Variants in ITGA1 observed in about 807,000 individuals in gnomAD.
The protein encoded by ITGA1 is integrin alpha-1.
In ITGA1, 85 loss-of-function variants were observed where a neutral mutation model predicts 145.9. That is an observed-to-expected ratio of 0.58 (90% CI 0.49 to 0.70). The LOEUF is 0.70. ITGA1 is among the 30% of genes least tolerant of loss of function. The pLI is 0.00. For synonymous variants in ITGA1, 520 were observed against 495.3 expected, an observed-to-expected ratio of 1.05 and a Z score of -0.66; for missense variants, 1,351 against 1,418.7, an observed-to-expected ratio of 0.95 and a Z score of 0.77.
In ITGA1 at chr5:52,816,245, C is replaced by T. The variant is rs1037903130; in HGVS notation, c.61+27831C>T. Among the ~76,000 whole-genome samples the T allele has an allele frequency of 1.4e-4, 21 of 152,150 alleles. 1 individual carries two copies. Among genetic ancestry groups the T allele is most frequent in the African/African-American group, 3.6e-4 (15 of 41,504 alleles). ...GGACTTAATATATATCCATGCACAT[C>T]GAGCATATTTTAAATTCAGAAAGGA... is the stretch of plus-strand genomic sequence containing the variant. On this transcript the variant is annotated intron_variant, in intron 1 of 28. Coordinates refer to ENST00000282588, the MANE Select transcript of ITGA1 (RefSeq NM_181501.2).
intron 6 of ITGA1, among the ~76,000 whole-genome samples, chr5:52,879,709 A>G (rs1249155594): frequency 1.3e-5 from 2 of 152,192 alleles, no homozygotes; most frequent in East Asian, 1.9e-4. Context: ...GCTGTATCCT[A>G]TCTTGTTCCC....
chr5:52,790,584 C>T (rs566478008), intron 1 of ITGA1, among the ~76,000 whole-genome samples: 3 of 152,146 alleles, frequency 2.0e-5, no homozygotes, highest in Non-Finnish European at 2.9e-5. Context: ...CATCTTCAAC[C>T]GAGCAGGGTA....
At chr5:52,854,679 C>A (rs1749479828) in intron 2 of ITGA1, among the ~76,000 whole-genome samples, 1 of 152,154 alleles carries the variant, frequency 6.6e-6, no homozygotes, top group African/African-American at 2.4e-5. Flanking sequence ...TTCCAAGAAA[C>A]TATCTTTTGC....
intron 14 of ITGA1, among the ~76,000 whole-genome samples, chr5:52,911,249 A>G (rs990116478): frequency 3.7e-5 from 5 of 136,308 alleles, no homozygotes. Flanking sequence ...TATATAGTAT[A>G]TACAGTGTAT....
chr5:52,788,014 T>C lies in ITGA1; in HGVS notation c.-340T>C, dbSNP rs1028000575. 2 of 284,472 alleles carry C rather than the reference T, an allele frequency of 7.0e-6. No homozygotes were observed. Among genetic ancestry groups the C allele is most frequent in the Admixed American group, 1.1e-4 (2 of 18,704 alleles). The allele number at this position is 284,472 out of a possible 1,614,324, so 17.6% of individuals were successfully genotyped here. On this transcript the variant is annotated 5_prime_UTR_variant, in exon 1 of 29. Transcript: ENST00000282588. ...CTTTAAGGTTTGCTTCTACAGCCCG[T>C]GGACTTTAGCCTAAACACGGACCCG...
intron 16 of ITGA1, among the ~76,000 whole-genome samples, chr5:52,919,120 G>A (rs923076151): frequency 6.6e-6 from 1 of 152,086 alleles, no homozygotes; most frequent in African/African-American, 2.4e-5. Flanking sequence ...TGTATGCAGT[G>A]CCCTCAACAC....
intron 1 of ITGA1, among the ~76,000 whole-genome samples, chr5:52,843,463 T>C (rs1749287136): frequency 6.6e-6 from 1 of 152,174 alleles, no homozygotes; most frequent in South Asian, 2.1e-4. Flanking sequence ...AGATTGGGAT[T>C]TCTGACCCAC....
At chr5:52,882,520 G>A (rs1458338065) in intron 7 of ITGA1, among the ~76,000 whole-genome samples, 1 of 150,990 alleles carries the variant, frequency 6.6e-6, no homozygotes, top group Non-Finnish European at 1.5e-5. Flanking sequence ...ATCATTTTTA[G>A]TGCAAAGTTT....
At chr5:52,809,525 G>A (rs1748651980) in intron 1 of ITGA1, among the ~76,000 whole-genome samples, 1 of 134,756 alleles carries the variant, frequency 7.4e-6, no homozygotes, top group African/African-American at 2.8e-5. Flanking sequence ...TTTTTTTGGA[G>A]ACAAGAGTCT....
intron 28 of ITGA1, among the ~76,000 whole-genome samples, chr5:52,949,281 G>A (rs1340082756): frequency 6.6e-6 from 1 of 152,110 alleles, no homozygotes; most frequent in African/African-American, 2.4e-5. Flanking sequence ...ACCTTATGAG[G>A]TCGTATGAAC....
chr5:52,921,320 A>G (rs73754067), intron 17 of ITGA1, among the ~76,000 whole-genome samples: 1,622 of 152,260 alleles, frequency 0.011, 24 homozygotes, highest in African/African-American at 0.037. Context: ...TTATTGATAT[A>G]TTCATAGTCT....
chr5:52,912,756 T>TATA (rs1486659756), intron 14 of ITGA1, among the ~76,000 whole-genome samples: 4 of 142,214 alleles, frequency 2.8e-5, no homozygotes, highest in Admixed American at 2.1e-4. Flanking sequence ...ATATATATAT[T>TATA]TTTTTTTTGA....
chr5:52,832,294 G>A (rs1561221510), intron 1 of ITGA1, among the ~76,000 whole-genome samples: 1 of 152,142 alleles, frequency 6.6e-6, no homozygotes, highest in Non-Finnish European at 1.5e-5. Context: ...GTGGCCAAGA[G>A]TGTAGGTAAC....
At chr5:52,930,454 T>G (rs1265704735) in intron 21 of ITGA1, among the ~76,000 whole-genome samples, 1 of 152,166 alleles carries the variant, frequency 6.6e-6, no homozygotes, top group African/African-American at 2.4e-5. Context: ...TAAAAATTAC[T>G]AAGGGCATGA....
Position 52,911,707 on chromosome 5 carries a change from ACTATATATACTATACATATAGTGTAT to A in ITGA1, c.1857+1292_1857+1317del, listed in dbSNP as rs1750544091. Among the ~76,000 whole-genome samples the A allele has an allele frequency of 6.6e-5, 9 of 136,598 alleles. No individual in the cohort carries two copies. In the Admixed American group the frequency reaches 7.0e-4, roughly 11 times the overall value. 89.6% of individuals were successfully genotyped at this position (136,598 alleles called of 152,430 possible). ...TATATACTATACATATAGTGTATCTACTATATATACTATACATATAGTGTATCTACTATATATACTATACATATAGT... is the reference window on the plus strand; with the variant it reads ...TATATACTATACATATAGTGTATCTACTACTATATATACTATACATATAGT... On this transcript the variant is annotated intron_variant, in intron 14 of 28. Coordinates refer to ENST00000282588, the MANE Select transcript of ITGA1 (RefSeq NM_181501.2).
chr5:52,787,980 C>CAGAT lies in ITGA1; in HGVS notation c.-373_-370dup, dbSNP rs1748155162. On this transcript the variant is annotated 5_prime_UTR_variant, in exon 1 of 29. In the 5' UTR this introduces an upstream ATG that the reference lacks. Coordinates refer to ENST00000282588, the MANE Select transcript of ITGA1 (RefSeq NM_181501.2). Reference sequence around the variant, plus strand: ...ACGAGATCACCCTCTCAATGAAAGGCAGATGTCCCTTTAAGGTTTGCTTCT... The same window carrying CAGAT: ...ACGAGATCACCCTCTCAATGAAAGGCAGATAGATGTCCCTTTAAGGTTTGCTTCT... 4.8e-6 allele frequency: 1 copy of CAGAT among 207,792 alleles called. No homozygotes were observed. Among genetic ancestry groups the CAGAT allele is most frequent in the South Asian group, 1.7e-4 (1 of 5,918 alleles). 12.9% of individuals were successfully genotyped at this position (207,792 alleles called of 1,614,324 possible). A position where few individuals can be genotyped will look rare whatever the true frequency, so the allele number is the denominator to read the frequency against.
intron 13 of ITGA1, among the ~76,000 whole-genome samples, chr5:52,909,771 T>G (rs55905783): frequency 0.32 from 48,642 of 149,970 alleles, 9,929 homozygotes; most frequent in Non-Finnish European, 0.45. Flanking sequence ...TGTCTGGGTT[T>G]TTTTTTTTTT....
At chr5:52,886,880 G>A (rs1475122555) in intron 7 of ITGA1, among the ~76,000 whole-genome samples, 3 of 152,108 alleles carry the variant, frequency 2.0e-5, no homozygotes, top group East Asian at 1.9e-4. Context: ...CCGGGTTCAC[G>A]CCATTCTCCT....
intron 1 of ITGA1, among the ~76,000 whole-genome samples, chr5:52,832,770 T>TGA: frequency 1.3e-5 from 1 of 74,882 alleles, no homozygotes; most frequent in African/African-American, 6.2e-5. Flanking sequence ...TAAATCTGTG[T>TGA]GTGTGTGTGT....
Sources: allele counts gnomAD v4.1 joint callset (sites outside exome capture counted in the v4.1 genomes callset), GRCh38; gene constraint gnomAD v4.1.1; transcripts MANE v1.5; gene names NCBI Gene and HGNC (gene_info 2026-07-23, HGNC 2026-07-21).